The following BRME1 variants were observed in gnomAD, a reference collection of about 807,000 sequenced individuals.
BRME1 encodes break repair meiotic recombinase recruitment factor 1.
Under a neutral mutation model 52.6 loss-of-function variants are expected in BRME1, and 31 were observed. That is an observed-to-expected ratio of 0.59 (90% CI 0.44 to 0.80). The LOEUF is 0.80. Among genes scored for constraint, BRME1 ranks in the 30% least tolerant of loss-of-function variants. BRME1 has a pLI of 0.00. For synonymous variants in BRME1, 359 were observed against 353.6 expected, an observed-to-expected ratio of 1.02 and a Z score of -0.17; for missense variants, 804 against 860.3, an observed-to-expected ratio of 0.93 and a Z score of 0.82.
intron 3 of BRME1, 46 bp downstream of exon 3, chr19:13,895,326 T>A (rs1237602957): frequency 1.3e-6 from 2 of 1,579,346 alleles, no homozygotes; most frequent in Non-Finnish European, 8.6e-7. Flanking sequence ...CTGTGCTATG[T>A]GGACTGTCAG....
In BRME1 at chr19:13,883,287, G is replaced by A; in HGVS notation, c.1856+21C>T. 6.6e-7 allele frequency: 1 copy of A among 1,522,948 alleles called. No homozygotes were observed. The highest frequency in any genetic ancestry group is 1.2e-5 in the South Asian group (1 of 83,784). The allele number at this position is 1,522,948 out of a possible 1,614,324, so 94.3% of individuals were successfully genotyped here. A position where few individuals can be genotyped will look rare whatever the true frequency, so the allele number is the denominator to read the frequency against. The stretch of plus-strand genomic sequence containing the variant: ...TGGCCTCCCGCAGACCCTGTGCCGT[G>A]AGTCCAAGCCCACCCCGTACTTCAG... On this transcript the variant is annotated intron_variant, in intron 8 of 8. Coordinates refer to ENST00000586783, the MANE Select transcript of BRME1 (RefSeq NM_001345843.2). This position sits in a 1 kb window ranked among gnomAD's most constrained non-coding sequence, Gnocchi z 4.2.
chr19:13,892,616 A>G (rs1358189101), intron 5 of BRME1, among the ~76,000 whole-genome samples, 170 bp downstream of exon 5: 1 of 152,174 alleles, frequency 6.6e-6, no homozygotes, highest in East Asian at 1.9e-4. Context: ...TAAAATAAAG[A>G]ATTGTTGCAT....
chr19:13,895,362 A>C lies in BRME1; in HGVS notation c.206+10T>G. The C allele has an allele frequency of 6.2e-7, 1 of 1,610,708 alleles. No homozygotes were observed. Among genetic ancestry groups the C allele is most frequent in the East Asian group, 2.2e-5 (1 of 44,866 alleles). ...TGGGGAGACCTGCCGGAATGTTCAG[A>C]GCCACCTACCTGGAGACGGCCTTTC... On this transcript the variant is annotated intron_variant, in intron 3 of 8. Coordinates refer to ENST00000586783, the MANE Select transcript of BRME1 (RefSeq NM_001345843.2).
Position 13,890,154 on chromosome 19 carries a change from C to CT in BRME1, c.701dup (p.Glu235GlyfsTer7). ...CAGAATCAATGCTTGGTAGGTGTTC[C>CT]TTTTGGCCACCGTCACCTGGAACCC... is the stretch of plus-strand genomic sequence containing the variant. On this transcript the variant is annotated frameshift_variant, in exon 6 of 9. Coordinates refer to ENST00000586783, the MANE Select transcript of BRME1 (RefSeq NM_001345843.2). LOFTEE classifies it high-confidence loss of function. 1 of 1,614,164 alleles carries CT rather than the reference C, an allele frequency of 6.2e-7. No homozygotes were observed. The highest frequency in any genetic ancestry group is 1.1e-5 in the South Asian group (1 of 91,090).
Position 13,885,958 on chromosome 19 carries a change from T to G in BRME1, c.1763+3A>C. 1.9e-6 allele frequency: 3 copies of G among 1,613,260 alleles called. No individual in the cohort carries two copies. Among genetic ancestry groups the G allele is most frequent in the Non-Finnish European group, 2.5e-6 (3 of 1,179,574 alleles). On this transcript the variant is annotated splice_donor_region_variant and intron_variant, in intron 7 of 8. Transcript: ENST00000586783. ...AGCCACTTCTCACCCACGCCACACC[T>G]ACCTCGGCTGGGCCTTGGCCACTGC... is the stretch of plus-strand genomic sequence containing the variant.
rs991669925 is a variant in BRME1, at chr19:13,888,652, C to T, written c.1668+536G>A. Among the ~76,000 whole-genome samples, 3 of 152,238 alleles carry T rather than the reference C, an allele frequency of 2.0e-5. No homozygotes were observed. Among genetic ancestry groups the T allele is most frequent in the African/African-American group, 4.8e-5 (2 of 41,456 alleles). The stretch of plus-strand genomic sequence containing the variant: ...CCCTGAAGGAGGCAAAGCCCTTACA[C>T]GTTCTGGCAGAAAAACAAAATGACT... On this transcript the variant is annotated intron_variant, in intron 6 of 8. Transcript: ENST00000586783. The surrounding 1 kb of genome is among the most constrained non-coding windows in gnomAD (Gnocchi z 4.1).
chr19:13,889,245 C>T lies in BRME1; in HGVS notation c.1611G>A (p.Leu537=). ...DSLAVELDFL[L]DSQIQDALDA... ...CCAGGGCATCCTGTATCTGGCTGTC[C>T]AGCAGGAAGTCGAGTTCCACAGCTA... The change falls in exon 6 of 9, where the codon CTG becomes CTA. Residue 537 remains leucine, a synonymous_variant. Coordinates refer to ENST00000586783, the MANE Select transcript of BRME1 (RefSeq NM_001345843.2). The T allele has an allele frequency of 6.2e-7, 1 of 1,613,424 alleles. No individual in the cohort carries two copies. Among genetic ancestry groups the T allele is most frequent in the Non-Finnish European group, 8.5e-7 (1 of 1,179,678 alleles).
At position 13,883,753 on chromosome 19, in the gene BRME1, C is replaced by A. The variant is rs1039147088; in HGVS notation, c.1764-353G>T. 6.6e-6 allele frequency among the ~76,000 whole-genome samples: 1 copy of A among 151,972 alleles called. No homozygotes were observed. Among genetic ancestry groups the A allele is most frequent in the African/African-American group, 2.4e-5 (1 of 41,372 alleles). ...GCAGCTGTGCACCACCTGCCTGCCCCGTGCCCTCCCCTCATCCCCCGCTTC... is the reference window on the plus strand; with the variant it reads ...GCAGCTGTGCACCACCTGCCTGCCCAGTGCCCTCCCCTCATCCCCCGCTTC... On this transcript the variant is annotated intron_variant, in intron 7 of 8. Transcript: ENST00000586783. The surrounding 1 kb of genome is among the most constrained non-coding windows in gnomAD (Gnocchi z 4.2).
In BRME1 at chr19:13,889,868, C is replaced by T; in HGVS notation, c.988G>A (p.Gly330Arg). ...REGEGTHSSL[G>R]CSSLGMVVIA... ...ACAACCATCCCGAGGGAGGAGCATC[C>T]CAGGCTGCTATGAGTCCCTTCCCCT... Residue 330 changes from glycine (G) to arginine (R), a missense_variant, in exon 6 of 9, where the codon GGA (glycine) becomes AGA (arginine). By Grantham distance (125) the Gly-to-Arg change is moderately radical. Around this residue, in one of 3 missense-constraint regions of BRME1, gnomAD observed 552 missense variants for 561.1 expected, o/e 0.98. Transcript: ENST00000586783. 1.2e-6 allele frequency: 2 copies of T among 1,613,274 alleles called. No individual in the cohort carries two copies. The highest frequency in any genetic ancestry group is 1.7e-6 in the Non-Finnish European group (2 of 1,179,970).
rs774237613 is a variant in BRME1, at chr19:13,882,557, G to A, written c.*245C>T. The A allele has an allele frequency of 2.1e-5, 12 of 558,824 alleles. No homozygotes were observed. Among genetic ancestry groups the A allele is most frequent in the African/African-American group, 7.7e-5 (4 of 52,110 alleles). 34.6% of individuals were successfully genotyped at this position (558,824 alleles called of 1,614,324 possible). The stretch of plus-strand genomic sequence containing the variant: ...GGCCAGCTTCCTGGAGCCCAGGCCC[G>A]CTTGAAGTCACTGGGGCTGTGGGAG... On this transcript the variant is annotated 3_prime_UTR_variant, in exon 9 of 9. Coordinates refer to ENST00000586783, the MANE Select transcript of BRME1 (RefSeq NM_001345843.2).
chr19:13,889,735 T>A lies in BRME1; in HGVS notation c.1121A>T (p.Lys374Met). The change falls in exon 6 of 9, where the codon AAG (lysine) becomes ATG (methionine). Residue 374 changes from lysine (K) to methionine (M), a missense_variant. Coordinates refer to ENST00000586783, the MANE Select transcript of BRME1 (RefSeq NM_001345843.2). ...CCTCCTGTGGCCTCCATCAGCGGCC[T>A]TCCTCCTGGGAGAGGCAGGTGATAT... ...SAISPASPRR[K>M]AADGGHRRAL... is the part of the protein sequence containing the mutation. 2.5e-6 allele frequency: 4 copies of A among 1,608,892 alleles called. No homozygotes were observed. Among genetic ancestry groups the A allele is most frequent in the Non-Finnish European group, 2.5e-6 (3 of 1,178,344 alleles).
Position 13,889,735 on chromosome 19 carries a change from T to C in BRME1, c.1121A>G (p.Lys374Arg), listed in dbSNP as rs1969324534. The C allele has an allele frequency of 6.2e-7, 1 of 1,608,774 alleles. No homozygotes were observed. The highest frequency in any genetic ancestry group is 1.3e-5 in the African/African-American group (1 of 74,894). The part of the protein sequence containing the change: ...SAISPASPRR[K>R]AADGGHRRAL... ...CCTCCTGTGGCCTCCATCAGCGGCC[T>C]TCCTCCTGGGAGAGGCAGGTGATAT... is the stretch of plus-strand genomic sequence containing the variant. Residue 374 changes from lysine to arginine, a missense_variant, in exon 6 of 9, where the codon AAG (lysine) becomes AGG (arginine). Around this residue, in one of 3 missense-constraint regions of BRME1, gnomAD observed 552 missense variants for 561.1 expected, o/e 0.98. Transcript: ENST00000586783.
chr19:13,882,447 G>A lies in BRME1; in HGVS notation c.*355C>T, dbSNP rs879737075. 1 of 413,540 alleles carries A rather than the reference G, an allele frequency of 2.4e-6. No homozygotes were observed. Among genetic ancestry groups the A allele is most frequent in the Non-Finnish European group, 4.3e-6 (1 of 234,994 alleles). The allele number at this position is 413,540 out of a possible 1,614,324, so 25.6% of individuals were successfully genotyped here. A position where few individuals can be genotyped will look rare whatever the true frequency, so the allele number is the denominator to read the frequency against. On this transcript the variant is annotated 3_prime_UTR_variant, in exon 9 of 9. Transcript: ENST00000586783. ...CAAAGGGAGCTCTCTTCTCCTCCAGGAAAGAAACAAATTCTGAACCATCCA... is the reference window on the plus strand; with the variant it reads ...CAAAGGGAGCTCTCTTCTCCTCCAGAAAAGAAACAAATTCTGAACCATCCA...
intron 6 of BRME1, 94 bp downstream of exon 6, chr19:13,889,094 T>A: frequency 1.7e-6 from 2 of 1,197,756 alleles, no homozygotes; most frequent in South Asian, 3.1e-5. Context: ...GAGCCCCAGC[T>A]CCCCCTCTGC....
Position 13,895,561 on chromosome 19 carries a change from G to C in BRME1, c.32-15C>G. The C allele has an allele frequency of 1.2e-6, 2 of 1,606,120 alleles. No individual in the cohort carries two copies. Among genetic ancestry groups the C allele is most frequent in the Non-Finnish European group, 1.7e-6 (2 of 1,175,480 alleles). ...GAGTCCCTCTCCTGTTTTAGAGACA[G>C]AGGAAGATGAAGGGGTGGGGGATAC... On this transcript the variant is annotated splice_polypyrimidine_tract_variant and intron_variant, in intron 2 of 8. Transcript: ENST00000586783.
chr19:13,901,032 G>A (rs1375089908), intron 2 of BRME1, among the ~76,000 whole-genome samples: 1 of 152,004 alleles, frequency 6.6e-6, no homozygotes, highest in African/African-American at 2.4e-5. Context: ...TGGAGTGCAG[G>A]CGCAATCATA....
chr19:13,891,135 T>TTTTTTATTATTATTATTATTATTA (rs59151567), intron 5 of BRME1, among the ~76,000 whole-genome samples: 69 of 146,668 alleles, frequency 4.7e-4, no homozygotes, highest in African/African-American at 1.2e-3. Flanking sequence ...CAATTTCCTG[T>TTTTTTATTATTATTATTATTATTA]TTATTATTAT....
At position 13,885,957 on chromosome 19, in the gene BRME1, C is replaced by A. The variant is rs368242171; in HGVS notation, c.1763+4G>T. On this transcript the variant is annotated splice_donor_region_variant and intron_variant, in intron 7 of 8. Coordinates refer to ENST00000586783, the MANE Select transcript of BRME1 (RefSeq NM_001345843.2). ...GAGCCACTTCTCACCCACGCCACAC[C>A]TACCTCGGCTGGGCCTTGGCCACTG... The A allele has an allele frequency of 1.4e-4, 229 of 1,613,088 alleles. No homozygotes were observed. Among genetic ancestry groups the A allele is most frequent in the Non-Finnish European group, 1.9e-4 (219 of 1,179,590 alleles).
At chr19:13,898,698 C>T (rs552245751) in intron 2 of BRME1, among the ~76,000 whole-genome samples, 200 of 151,914 alleles carry the variant, frequency 1.3e-3, no homozygotes, top group African/African-American at 4.5e-3. Flanking sequence ...CTGAGGCGGG[C>T]GGATCCCCTG....
Sources: gnomAD v4.1 joint callset for allele counts (sites outside exome capture counted in the v4.1 genomes callset) on GRCh38, gnomAD v4.1.1 for gene constraint, gnomAD v4.1.1 regional missense constraint, Gnocchi (gnomAD v3.1) non-coding constraint, MANE v1.5 for transcripts, NCBI Gene and HGNC (gene_info 2026-07-23, HGNC 2026-07-21) for gene names.